Variants in UBE2D1 observed in about 807,000 individuals in gnomAD.
UBE2D1 encodes ubiquitin conjugating enzyme E2 D1.
Under a neutral mutation model 24.6 loss-of-function variants are expected in UBE2D1, and 9 were observed. The ratio of observed to expected loss-of-function variants is 0.37; its 90% CI spans 0.22 to 0.64. The LOEUF (loss-of-function observed/expected upper bound fraction) is 0.64. Among genes scored for constraint, UBE2D1 ranks in the 30% least tolerant of loss-of-function variants. The probability of loss-of-function intolerance (pLI) is 0.64; values close to 1 mark genes in which losing one functional copy is unlikely to be tolerated. For missense variants in UBE2D1, 87 were observed against 177.1 expected, an observed-to-expected ratio of 0.49 and a Z score of 2.89; for synonymous variants, 57 against 57.6, an observed-to-expected ratio of 0.99 and a Z score of 0.04.
At chr10:58,339,110 GT>G (rs533156291) in intron 1 of UBE2D1, among the ~76,000 whole-genome samples, 2 of 151,810 alleles carry the variant, frequency 1.3e-5, no homozygotes, top group South Asian at 2.1e-4. Context: ...GGAGGTCTGA[GT>G]TTTTTTTGTT....
intron 6 of UBE2D1, 105 bp downstream of exon 6, chr10:58,368,121 A>G: frequency 1.3e-6 from 1 of 788,298 alleles, no homozygotes; most frequent in Admixed American, 2.3e-5. Context: ...TATGGTTGTT[A>G]TATGTATATT....
chr10:58,364,920 C>T (rs1564562657), intron 5 of UBE2D1, 44 bp downstream of exon 5: 1 of 1,473,616 alleles, frequency 6.8e-7, no homozygotes, highest in Non-Finnish European at 9.4e-7. Flanking sequence ...AACAGTGAGA[C>T]AGGAAAAATA....
chr10:58,343,647 G>A (rs895336670), intron 1 of UBE2D1, among the ~76,000 whole-genome samples: 5 of 152,070 alleles, frequency 3.3e-5, no homozygotes, highest in Non-Finnish European at 4.4e-5. Flanking sequence ...CCTTGGAAAC[G>A]TTTGCATTTG....
At chr10:58,342,956 A>C (rs1839978275) in intron 1 of UBE2D1, among the ~76,000 whole-genome samples, 2 of 151,570 alleles carry the variant, frequency 1.3e-5, no homozygotes, top group African/African-American at 4.8e-5. Context: ...CAGTCTCCCA[A>C]GTAGCTGGGA....
chr10:58,365,193 G>A (rs555623782), intron 5 of UBE2D1, among the ~76,000 whole-genome samples: 4 of 152,188 alleles, frequency 2.6e-5, no homozygotes, highest in East Asian at 3.9e-4. Context: ...GAGAGTGCCC[G>A]GGCACTGTGG....
Position 58,368,012 on chromosome 10 carries a change from GAAAAGT to G in UBE2D1, c.397_398+4del. ...TGCACAAATCTATAAATCAGACAAA[GAAAAGT>G]AAGTGTTTACTTATTTTAGTTTCTG... On this transcript the variant is annotated splice_donor_variant and coding_sequence_variant, in exon 6 of 7. Coordinates refer to ENST00000373910, the MANE Select transcript of UBE2D1 (RefSeq NM_003338.5). LOFTEE classifies it high-confidence loss of function. 6.2e-7 allele frequency: 1 copy of G among 1,605,248 alleles called. No homozygotes were observed. The highest frequency in any genetic ancestry group is 8.5e-7 in the Non-Finnish European group (1 of 1,173,570).
chr10:58,345,236 C>G (rs1023336666), intron 1 of UBE2D1, among the ~76,000 whole-genome samples: 1 of 151,836 alleles, frequency 6.6e-6, no homozygotes, highest in Non-Finnish European at 1.5e-5. Flanking sequence ...TTTGGGAGAC[C>G]GAGGCAGAAG....
chr10:58,355,592 AT>A (rs1167238780), intron 1 of UBE2D1, among the ~76,000 whole-genome samples: 4 of 152,234 alleles, frequency 2.6e-5, no homozygotes, highest in African/African-American at 4.8e-5. Flanking sequence ...CTTATGTCCC[AT>A]TAACAGGCAT....
At chr10:58,338,770 A>G (rs1454639670) in intron 1 of UBE2D1, among the ~76,000 whole-genome samples, 2 of 152,180 alleles carry the variant, frequency 1.3e-5, no homozygotes, top group Non-Finnish European at 2.9e-5. Context: ...ATGTGATGTG[A>G]TGTGATGTGA....
intron 1 of UBE2D1, among the ~76,000 whole-genome samples, chr10:58,355,145 A>C (rs1840117261): frequency 1.3e-5 from 2 of 152,188 alleles, no homozygotes; most frequent in South Asian, 4.1e-4. Flanking sequence ...ATAACATCTG[A>C]GTTTTATTAT....
chr10:58,338,515 T>C lies in UBE2D1; in HGVS notation c.24+3290T>C, dbSNP rs1839927416. 2.0e-5 allele frequency among the ~76,000 whole-genome samples: 3 copies of C among 152,160 alleles called. No individual in the cohort carries two copies. In the South Asian group the frequency reaches 6.2e-4, roughly 31 times the overall value. On this transcript the variant is annotated intron_variant, in intron 1 of 6. Coordinates refer to ENST00000373910, the MANE Select transcript of UBE2D1 (RefSeq NM_003338.5). ...AACATGTCTGAAAAGAGGAGGACAGTTTTTCACCTAGGTATCTATTTTCTA... is the reference window on the plus strand; with the variant it reads ...AACATGTCTGAAAAGAGGAGGACAGCTTTTCACCTAGGTATCTATTTTCTA...
intron 1 of UBE2D1, among the ~76,000 whole-genome samples, chr10:58,358,203 T>G (rs1178548814): frequency 2.0e-5 from 3 of 152,210 alleles, no homozygotes; most frequent in African/African-American, 2.4e-5. Flanking sequence ...ATACACATTA[T>G]CTCTGTAAAA....
intron 6 of UBE2D1, chr10:58,368,364 C>G (rs1840279369): frequency 3.9e-6 from 1 of 254,918 alleles, no homozygotes; most frequent in Admixed American, 5.1e-5. Flanking sequence ...CCCATCCAAA[C>G]TGACCTAATT....
intron 1 of UBE2D1, among the ~76,000 whole-genome samples, chr10:58,336,526 T>C (rs554763545): frequency 2.0e-4 from 31 of 152,342 alleles, no homozygotes; most frequent in Middle Eastern, 6.8e-3. Flanking sequence ...ACCTGTTATT[T>C]TTTGTGCCAT....
intron 3 of UBE2D1, among the ~76,000 whole-genome samples, chr10:58,362,312 T>C (rs1411310235): frequency 1.3e-5 from 2 of 152,100 alleles, no homozygotes; most frequent in South Asian, 2.1e-4. Flanking sequence ...GTTACAGAGT[T>C]TTTAATCATA....
chr10:58,351,110 A>T (rs985845438), intron 1 of UBE2D1, among the ~76,000 whole-genome samples: 3 of 152,220 alleles, frequency 2.0e-5, no homozygotes, highest in Non-Finnish European at 2.9e-5. Flanking sequence ...TAAGTCAGCG[A>T]GTAAGTGGTG....
chr10:58,347,120 C>G (rs1019870877), intron 1 of UBE2D1, among the ~76,000 whole-genome samples: 2 of 152,168 alleles, frequency 1.3e-5, no homozygotes, highest in Non-Finnish European at 2.9e-5. Flanking sequence ...CCTAAACTAC[C>G]TCTCCTCTGG....
At chr10:58,353,195 T>G (rs1262572810) in intron 1 of UBE2D1, among the ~76,000 whole-genome samples, 1 of 152,250 alleles carries the variant, frequency 6.6e-6, no homozygotes, top group Non-Finnish European at 1.5e-5. Flanking sequence ...CTGATACTAT[T>G]GCATTAAATC....
intron 1 of UBE2D1, among the ~76,000 whole-genome samples, chr10:58,358,779 T>A (rs534235075): frequency 1.3e-4 from 20 of 151,600 alleles, no homozygotes; most frequent in African/African-American, 4.3e-4. Context: ...TTTTTTTTTT[T>A]AAATGCGGTC....
Sources: gnomAD v4.1 joint callset for allele counts (sites outside exome capture counted in the v4.1 genomes callset) on GRCh38, gnomAD v4.1.1 for gene constraint, MANE v1.5 for transcripts, NCBI Gene and HGNC (gene_info 2026-07-23, HGNC 2026-07-21) for gene names.